CRTAP: variants seen among roughly 807,000 people sequenced by gnomAD.
The protein encoded by CRTAP is cartilage associated protein.
CRTAP carries 33 observed loss-of-function variants against 42.7 expected under a neutral mutation model. The observed-to-expected ratio is 0.77, with a 90% confidence interval of 0.59 to 1.03. The LOEUF (loss-of-function observed/expected upper bound fraction) is 1.03, where lower values mean the gene tolerates loss of function less well. Among genes scored for constraint, CRTAP ranks in the 50% least tolerant of loss-of-function variants. CRTAP has a pLI of 0.00. For missense variants in CRTAP, 613 were observed against 533.9 expected, an observed-to-expected ratio of 1.15 and a Z score of -1.46; for synonymous variants, 243 against 217.7, an observed-to-expected ratio of 1.12 and a Z score of -1.02.
intron 4 of CRTAP, among the ~76,000 whole-genome samples, chr3:33,131,903 G>C (rs929160490): frequency 1.3e-5 from 2 of 151,860 alleles, no homozygotes; most frequent in Admixed American, 1.3e-4. Context: ...ACATACCAGG[G>C]GCTTGTGTCT....
intron 1 of CRTAP, among the ~76,000 whole-genome samples, chr3:33,119,790 A>G (rs928551546): frequency 1.3e-5 from 2 of 152,234 alleles, no homozygotes; most frequent in African/African-American, 4.8e-5. Flanking sequence ...GTGTTCTGCC[A>G]CAGGGGTGAT....
intron 6 of CRTAP, among the ~76,000 whole-genome samples, chr3:33,138,809 C>A (rs2030494129): frequency 6.6e-6 from 1 of 151,980 alleles, no homozygotes; most frequent in Admixed American, 6.6e-5. Flanking sequence ...GAGTTTGAGA[C>A]CAGCCTGGGC....
At chr3:33,118,110 G>T (rs1483054350) in intron 1 of CRTAP, among the ~76,000 whole-genome samples, 1 of 152,060 alleles carries the variant, frequency 6.6e-6, no homozygotes, top group South Asian at 2.1e-4. Context: ...ACAAGCACCT[G>T]CCACTGTGCC....
intron 1 of CRTAP, among the ~76,000 whole-genome samples, chr3:33,116,178 A>G (rs1701341173): frequency 6.6e-6 from 1 of 152,218 alleles, no homozygotes; most frequent in Non-Finnish European, 1.5e-5. Context: ...GAATTTGAAC[A>G]AGTGTTACAG....
At chr3:33,134,333 C>G (rs2030361219) in intron 6 of CRTAP, 68 bp downstream of exon 6, 1 of 1,055,588 alleles carries the variant, frequency 9.5e-7, no homozygotes, top group East Asian at 2.4e-5. Flanking sequence ...TTGCTAGAAT[C>G]ACTGGAAGGC....
intron 2 of CRTAP, among the ~76,000 whole-genome samples, chr3:33,121,366 T>A (rs906765825): frequency 6.6e-6 from 1 of 150,524 alleles, no homozygotes; most frequent in Admixed American, 6.6e-5. Context: ...GAGCTGAGAT[T>A]GCGCCACTGC....
Position 33,130,085 on chromosome 3 carries a change from A to G in CRTAP, c.922+18A>G, listed in dbSNP as rs767546517. ...TTATAAGTGTAAGTAATCTTCTGTGACATCTTGGGTGAGGCACTTAGTCCT... is the reference window on the plus strand; with the variant it reads ...TTATAAGTGTAAGTAATCTTCTGTGGCATCTTGGGTGAGGCACTTAGTCCT... On this transcript the variant is annotated intron_variant, in intron 4 of 6. Coordinates refer to ENST00000320954, the MANE Select transcript of CRTAP (RefSeq NM_006371.5). 2 of 1,611,298 alleles carry G rather than the reference A, an allele frequency of 1.2e-6. No individual in the cohort carries two copies. Among genetic ancestry groups the G allele is most frequent in the Non-Finnish European group, 1.7e-6 (2 of 1,177,964 alleles).
chr3:33,133,586 T>C (rs750981466), intron 5 of CRTAP, among the ~76,000 whole-genome samples: 1 of 152,188 alleles, frequency 6.6e-6, no homozygotes, highest in Non-Finnish European at 1.5e-5. Context: ...TAAAGGTATA[T>C]ATTTACTCAT....
In CRTAP at chr3:33,122,662, A is replaced by AT. The variant is rs1207442751; in HGVS notation, c.622-1744dup. ...GAGTTGGAGGTTGCAGTGAGCTGAG[A>AT]TTGCACCACTGCATTCGAGCCTGGG... is the stretch of plus-strand genomic sequence containing the variant. On this transcript the variant is annotated intron_variant, in intron 2 of 6. Transcript: ENST00000320954. Among the ~76,000 whole-genome samples, 6 of 140,360 alleles carry AT rather than the reference A, an allele frequency of 4.3e-5. No individual in the cohort carries two copies. The East Asian group carries it at 1.5e-3, about 35-fold the overall frequency. 92.1% of individuals were successfully genotyped at this position (140,360 alleles called of 152,430 possible). A position where few individuals can be genotyped will look rare whatever the true frequency, so the allele number is the denominator to read the frequency against.
In CRTAP at chr3:33,143,601, G is replaced by T; in HGVS notation, c.*1153G>T. On this transcript the variant is annotated 3_prime_UTR_variant, in exon 7 of 7. Coordinates refer to ENST00000320954, the MANE Select transcript of CRTAP (RefSeq NM_006371.5). ...GTGCTCATGGAGCTTACATTCTACA[G>T]GGAGAAAGAGATAGCCAATACATAG... 1 of 152,272 alleles carries T rather than the reference G, an allele frequency of 6.6e-6. No individual in the cohort carries two copies. 9.4% of individuals were successfully genotyped at this position (152,272 alleles called of 1,614,324 possible).
At position 33,147,621 on chromosome 3, in the gene CRTAP, C is replaced by T. The variant is rs908702003; in HGVS notation, c.*5173C>T. ...TTAGGGTGGCAGCCAGTAGGCCAAA[C>T]TCCAAAGACCGTTGCTGATGTCTTT... is the stretch of plus-strand genomic sequence containing the variant. On this transcript the variant is annotated 3_prime_UTR_variant, in exon 7 of 7. Coordinates refer to ENST00000320954, the MANE Select transcript of CRTAP (RefSeq NM_006371.5). 1 of 152,258 alleles carries T rather than the reference C, an allele frequency of 6.6e-6. No individual in the cohort carries two copies. Among genetic ancestry groups the T allele is most frequent in the Non-Finnish European group, 1.5e-5 (1 of 68,054 alleles). The allele number at this position is 152,258 out of a possible 1,614,324, so 9.4% of individuals were successfully genotyped here. A position where few individuals can be genotyped will look rare whatever the true frequency, so the allele number is the denominator to read the frequency against.
chr3:33,133,451 G>T (rs1418638602), intron 5 of CRTAP, among the ~76,000 whole-genome samples: 2 of 151,992 alleles, frequency 1.3e-5, no homozygotes, highest in African/African-American at 2.4e-5. Flanking sequence ...TAGAGATGGG[G>T]TTTCGCTGGG....
chr3:33,130,971 T>C lies in CRTAP; in HGVS notation c.922+904T>C, dbSNP rs76503427. 7.2e-3 allele frequency among the ~76,000 whole-genome samples: 1,098 copies of C among 152,298 alleles called. 14 individuals carry two copies. The highest frequency in any genetic ancestry group is 0.022 in the African/African-American group (932 of 41,562). Reference sequence around the variant, plus strand: ...GACTTCAGAGCCTGCGTGTTTCGGCTTTTCCTCCTCTCCCTGTACCTGACT... The same window carrying C: ...GACTTCAGAGCCTGCGTGTTTCGGCCTTTCCTCCTCTCCCTGTACCTGACT... On this transcript the variant is annotated intron_variant, in intron 4 of 6. Transcript: ENST00000320954.
chr3:33,140,839 G>A (rs951554439), intron 6 of CRTAP, among the ~76,000 whole-genome samples: 3 of 152,196 alleles, frequency 2.0e-5, no homozygotes, highest in African/African-American at 4.8e-5. Flanking sequence ...CAACAAATAC[G>A]TGGTCTCAGC....
At chr3:33,142,352 T>C in intron 6 of CRTAP, 43 bp from the exon 7 acceptor site, 3 of 1,538,796 alleles carry the variant, frequency 1.9e-6, no homozygotes, top group Non-Finnish European at 1.8e-6. Context: ...CTTTTAAAAG[T>C]CCAATAGCCC....
At position 33,146,560 on chromosome 3, in the gene CRTAP, T is replaced by G. The variant is rs1225759229; in HGVS notation, c.*4112T>G. 1 of 152,222 alleles carries G rather than the reference T, an allele frequency of 6.6e-6. No homozygotes were observed. Among genetic ancestry groups the G allele is most frequent in the Non-Finnish European group, 1.5e-5 (1 of 68,046 alleles). 9.4% of individuals were successfully genotyped at this position (152,222 alleles called of 1,614,324 possible). A position where few individuals can be genotyped will look rare whatever the true frequency, so the allele number is the denominator to read the frequency against. On this transcript the variant is annotated 3_prime_UTR_variant, in exon 7 of 7. Coordinates refer to ENST00000320954, the MANE Select transcript of CRTAP (RefSeq NM_006371.5). ...CCGACATATGCAACATACTAATACC[T>G]TCCTGATTTTCGAGACTTTCTAATT...
In CRTAP at chr3:33,124,590, G is replaced by A. The variant is rs769219647; in HGVS notation, c.793+11G>A. 3.8e-5 allele frequency: 61 copies of A among 1,613,978 alleles called. 1 individual carries two copies. In the South Asian group the frequency reaches 6.5e-4, roughly 17 times the overall value. On this transcript the variant is annotated intron_variant, in intron 3 of 6. Coordinates refer to ENST00000320954, the MANE Select transcript of CRTAP (RefSeq NM_006371.5). ...ACCTTTCCATAGCAGGTTGGTGGTA[G>A]GTCAATAGGCTCACTACTCCCATGG...
At chr3:33,124,306 A>T in intron 2 of CRTAP, 102 bp from the exon 3 acceptor site, 1 of 1,379,890 alleles carries the variant, frequency 7.2e-7, no homozygotes, top group Non-Finnish European at 1.0e-6. Context: ...TTCAGAGCTA[A>T]TGAGAGCTAG....
chr3:33,133,921 T>G (rs940545424), intron 5 of CRTAP, among the ~76,000 whole-genome samples: 19 of 152,254 alleles, frequency 1.2e-4, no homozygotes, highest in Admixed American at 9.8e-4. Flanking sequence ...GCCATCTTGA[T>G]TTTCATAAGT....
Sources: gnomAD v4.1 joint callset for allele counts (sites outside exome capture counted in the v4.1 genomes callset) on GRCh38, gnomAD v4.1.1 for gene constraint, MANE v1.5 for transcripts, NCBI Gene and HGNC (gene_info 2026-07-23, HGNC 2026-07-21) for gene names.